The following ACSBG2 variants were observed in gnomAD, a reference collection of about 807,000 sequenced individuals.
ACSBG2 encodes long-chain-fatty-acid--CoA ligase ACSBG2.
ACSBG2 carries 62 observed loss-of-function variants against 74.7 expected under a neutral mutation model. The ratio of observed to expected loss-of-function variants is 0.83; its 90% confidence interval spans 0.68 to 1.03. ACSBG2 has a LOEUF of 1.03. Ranked by LOEUF, ACSBG2 falls within the 50% of genes least tolerant of loss-of-function variation. The probability of loss-of-function intolerance (pLI) is 0.00; values close to 1 mark genes in which losing one functional copy is unlikely to be tolerated. For missense variants in ACSBG2, 730 were observed against 817.6 expected, an observed-to-expected ratio of 0.89 and a Z score of 1.31; for synonymous variants, 309 against 294.1, an observed-to-expected ratio of 1.05 and a Z score of -0.52.
intron 8 of ACSBG2, among the ~76,000 whole-genome samples, chr19:6,181,809 A>ACCCCCCC (rs1487682988): frequency 2.1e-4 from 6 of 28,336 alleles, no homozygotes; most frequent in African/African-American, 2.7e-4. Context: ...AATAGTCCCC[A>ACCCCCCC]CCCGCCCCCC....
rs2089925993 is a variant in ACSBG2 at position 6,170,156 on chromosome 19, GT to G, written c.738+4144del. ...TGGTGAAAGTGGATATCCTTGTCTT[GT>G]TTCAGTTCTTAGAGGGAATGCTTCC... On this transcript the variant is annotated intron_variant, in intron 7 of 14. Transcript: ENST00000588485. 2.6e-5 allele frequency among the ~76,000 whole-genome samples: 4 copies of G among 152,094 alleles called. No homozygotes were observed. In the South Asian group the frequency reaches 8.3e-4, roughly 32 times the overall value.
At chr19:6,151,586 C>G in intron 3 of ACSBG2, 121 bp from the exon 4 acceptor site, 2 of 910,576 alleles carry the variant, frequency 2.2e-6, no homozygotes, top group Non-Finnish European at 3.4e-6. Flanking sequence ...GCTAGGATTA[C>G]AGGTGTGAGC....
chr19:6,185,559 TAC>T lies in ACSBG2; in HGVS notation c.1448_1449del (p.Thr483ArgfsTer5). 1 of 1,614,152 alleles carries T rather than the reference TAC, an allele frequency of 6.2e-7. No individual in the cohort carries two copies. The highest frequency in any genetic ancestry group is 1.1e-5 in the South Asian group (1 of 91,090). On this transcript the variant is annotated frameshift_variant, in exon 11 of 15. Transcript: ENST00000588485. LOFTEE classifies it high-confidence loss of function. ...MGYLESETET[T>X]EAIDDEGWLH... ...GCTATCTGGAAAGTGAGACTGAAAC[TAC>T]AGAGGCCATCGATGATGAAGGCTGG... is the stretch of plus-strand genomic sequence containing the variant.
At chr19:6,144,090 C>A (rs11665848) in intron 2 of ACSBG2, among the ~76,000 whole-genome samples, 1 of 151,942 alleles carries the variant, frequency 6.6e-6, no homozygotes, top group African/African-American at 2.4e-5. Context: ...CTCCACCTCC[C>A]GGGTTCAAGC....
intron 5 of ACSBG2, 43 bp from the exon 6 acceptor site, chr19:6,161,172 C>A (rs759952793): frequency 1.9e-6 from 3 of 1,548,330 alleles, no homozygotes; most frequent in Admixed American, 3.4e-5. Context: ...TAGTCTTTCC[C>A]AGGGCTGGGT....
chr19:6,188,067 C>A (rs956421959), intron 13 of ACSBG2, among the ~76,000 whole-genome samples: 1 of 152,216 alleles, frequency 6.6e-6, no homozygotes, highest in African/African-American at 2.4e-5. Flanking sequence ...CGCCTGCTGA[C>A]CTTTCATTCA....
At chr19:6,140,575 G>A (rs753311531) in intron 1 of ACSBG2, among the ~76,000 whole-genome samples, 3 of 152,134 alleles carry the variant, frequency 2.0e-5, no homozygotes, top group Non-Finnish European at 4.4e-5. Context: ...TGCTACTCCG[G>A]AGGCTGAGGC....
intron 1 of ACSBG2, among the ~76,000 whole-genome samples, chr19:6,137,115 C>G (rs1229114159): frequency 1.3e-5 from 2 of 148,970 alleles, no homozygotes; most frequent in Non-Finnish European, 3.0e-5. Flanking sequence ...TAAAGTAATA[C>G]CTGAAGATGG....
intron 6 of ACSBG2, among the ~76,000 whole-genome samples, chr19:6,164,205 C>A (rs1034630278): frequency 6.6e-6 from 1 of 152,074 alleles, no homozygotes; most frequent in African/African-American, 2.4e-5. Flanking sequence ...CTGTGGAAGC[C>A]GGGGGTCTTC....
At chr19:6,157,856 G>C (rs901643905) in intron 5 of ACSBG2, among the ~76,000 whole-genome samples, 1 of 151,930 alleles carries the variant, frequency 6.6e-6, no homozygotes, top group African/African-American at 2.4e-5. Flanking sequence ...TCTTGTCATT[G>C]TCTTCATTTC....
At chr19:6,137,616 TTTTATTTA>T (rs539933351) in intron 1 of ACSBG2, among the ~76,000 whole-genome samples, 1 of 151,970 alleles carries the variant, frequency 6.6e-6, no homozygotes, top group African/African-American at 2.4e-5. Flanking sequence ...ACTTTTTTAT[TTTTATTTA>T]TTTATTTATG....
intron 2 of ACSBG2, 128 bp downstream of exon 2, chr19:6,141,738 C>T (rs2088844909): frequency 4.5e-6 from 3 of 667,458 alleles, no homozygotes; most frequent in Non-Finnish European, 7.9e-6. Flanking sequence ...CCCGACCCCC[C>T]ACCCTTTTGT....
chr19:6,176,482 C>A, intron 7 of ACSBG2: 1 of 1,191,188 alleles, frequency 8.4e-7, no homozygotes, highest in Non-Finnish European at 1.1e-6. Context: ...CTTATACTGA[C>A]TTATGAAAAA....
intron 6 of ACSBG2, 198 bp downstream of exon 6, chr19:6,161,493 G>A: frequency 1.9e-6 from 1 of 527,712 alleles, no homozygotes; most frequent in Non-Finnish European, 3.4e-6. Context: ...TGAGGAAAGT[G>A]GGTGTGACCT....
intron 2 of ACSBG2, among the ~76,000 whole-genome samples, chr19:6,144,344 C>G (rs998698131): frequency 5.9e-5 from 9 of 152,312 alleles, no homozygotes; most frequent in Non-Finnish European, 8.8e-5. Context: ...AGGTCCCAAT[C>G]CAATGTGACC....
intron 14 of ACSBG2, chr19:6,191,949 TGA>T (rs1226529485): frequency 6.6e-6 from 1 of 151,654 alleles, no homozygotes; most frequent in African/African-American, 2.4e-5. Context: ...GATGTGGGAG[TGA>T]GAGATGGACC....
Position 6,163,783 on chromosome 19 carries a change from CAAAA to C in ACSBG2, c.589-2068_589-2065del, listed in dbSNP as rs1278911071. ...ATAAACAAATAAATAAAATAAAATA[CAAAA>C]AAAAAAAAAAAAAACAGCCAGGCGT... On this transcript the variant is annotated intron_variant, in intron 6 of 14. Transcript: ENST00000588485. Among the ~76,000 whole-genome samples the C allele has an allele frequency of 6.9e-4, 56 of 81,072 alleles. 1 individual carries two copies. The highest frequency in any genetic ancestry group is 2.1e-3 in the African/African-American group (49 of 23,036). The allele number at this position is 81,072 out of a possible 152,430, so 53.2% of individuals were successfully genotyped here.
intron 1 of ACSBG2, among the ~76,000 whole-genome samples, chr19:6,137,974 CT>C (rs1292927037): frequency 2.0e-5 from 3 of 152,104 alleles, no homozygotes; most frequent in Admixed American, 1.3e-4. Flanking sequence ...TTTGTAAACA[CT>C]TTTATCGTGG....
At chr19:6,157,357 A>C (rs965791070) in intron 5 of ACSBG2, among the ~76,000 whole-genome samples, 1 of 152,154 alleles carries the variant, frequency 6.6e-6, no homozygotes, top group Non-Finnish European at 1.5e-5. Flanking sequence ...GGAGTTTGAG[A>C]CCAGTGTGGC....
Sources: allele counts gnomAD v4.1 joint callset (sites outside exome capture counted in the v4.1 genomes callset), GRCh38; gene constraint gnomAD v4.1.1; transcripts MANE v1.5; gene names NCBI Gene and HGNC (gene_info 2026-07-23, HGNC 2026-07-21).